BCR: variants seen among roughly 807,000 people sequenced by gnomAD.
BCR encodes BCR activator of RhoGEF and GTPase.
In BCR, 58 loss-of-function variants were observed where a neutral mutation model predicts 138.6. The ratio of observed to expected loss-of-function variants is 0.42; its 90% CI spans 0.34 to 0.52. BCR has a LOEUF of 0.52. Ranked by LOEUF, BCR falls within the 20% of genes least tolerant of loss-of-function variation. The pLI, the probability that BCR is intolerant of heterozygous loss-of-function variation, is 0.06. For missense variants in BCR, 1,599 were observed against 1,727.2 expected, an observed-to-expected ratio of 0.93 and a Z score of 1.32; for synonymous variants, 786 against 730.1, an observed-to-expected ratio of 1.08 and a Z score of -1.23.
chr22:23,300,716 A>C (rs2073893816), intron 16 of BCR, among the ~76,000 whole-genome samples: 1 of 152,182 alleles, frequency 6.6e-6, no homozygotes, highest in African/African-American at 2.4e-5. Context: ...GCTGGCTTGT[A>C]CCTGGTCAGG....
intron 1 of BCR, among the ~76,000 whole-genome samples, chr22:23,213,331 G>A (rs2072709269): frequency 1.3e-5 from 2 of 152,216 alleles, no homozygotes; most frequent in Non-Finnish European, 2.9e-5. Context: ...TGGGGGCCCT[G>A]AGTGAGCCTC....
intron 1 of BCR, among the ~76,000 whole-genome samples, chr22:23,235,158 G>A (rs147080500): frequency 0.01 from 1,469 of 144,244 alleles, 94 homozygotes; most frequent in African/African-American, 0.034. Flanking sequence ...AGGCTGGAGT[G>A]CAGTGGTACG....
intron 1 of BCR, among the ~76,000 whole-genome samples, chr22:23,227,090 G>A (rs1044312161): frequency 7.9e-5 from 12 of 152,184 alleles, no homozygotes; most frequent in African/African-American, 2.9e-4. Flanking sequence ...CAAAAACCAT[G>A]CAAATATGGA....
chr22:23,297,206 TG>T (rs1301624131), intron 16 of BCR, among the ~76,000 whole-genome samples: 4,053 of 136,750 alleles, frequency 0.03, 256 homozygotes, highest in African/African-American at 0.085. Flanking sequence ...CTGGCTAAGT[TG>T]TTTTTTGTTT....
intron 5 of BCR, among the ~76,000 whole-genome samples, chr22:23,270,332 G>A (rs2073495372): frequency 6.6e-6 from 1 of 152,152 alleles, no homozygotes; most frequent in Admixed American, 6.5e-5. Flanking sequence ...AAAGGGCTTT[G>A]GGAGTCAGGC....
At chr22:23,289,200 T>C (rs2073754445) in intron 12 of BCR, among the ~76,000 whole-genome samples, 1 of 152,228 alleles carries the variant, frequency 6.6e-6, no homozygotes, top group African/African-American at 2.4e-5. Context: ...TGGGGAGACC[T>C]CACAGGGAGG....
At chr22:23,293,094 G>A (rs894264069) in intron 15 of BCR, among the ~76,000 whole-genome samples, 2 of 151,998 alleles carry the variant, frequency 1.3e-5, no homozygotes, top group African/African-American at 4.8e-5. Context: ...GTGTGTCGCC[G>A]TGCCTTCCTC....
At chr22:23,246,195 C>A (rs529823530) in intron 1 of BCR, among the ~76,000 whole-genome samples, 35 of 152,142 alleles carry the variant, frequency 2.3e-4, no homozygotes, top group African/African-American at 8.4e-4. Flanking sequence ...GAGGCCTAGG[C>A]GAGAGGACCA....
At chr22:23,229,210 C>T (rs1299288512) in intron 1 of BCR, among the ~76,000 whole-genome samples, 5 of 151,902 alleles carry the variant, frequency 3.3e-5, no homozygotes, top group Non-Finnish European at 7.4e-5. Context: ...TTTTTTATAG[C>T]TTCTATTTTT....
chr22:23,196,505 T>C (rs2072483949), intron 1 of BCR, among the ~76,000 whole-genome samples: 1 of 152,104 alleles, frequency 6.6e-6, no homozygotes, highest in African/African-American at 2.4e-5. Context: ...CTTGAAGCAT[T>C]CAGTATAGTC....
chr22:23,281,745 G>A (rs191817263), intron 8 of BCR, among the ~76,000 whole-genome samples: 1,658 of 152,288 alleles, frequency 0.011, 75 homozygotes, highest in Admixed American at 0.088. Flanking sequence ...TCCACTGTTC[G>A]AGCCTCCCGG....
intron 1 of BCR, chr22:23,216,958 T>G: frequency 7.3e-6 from 3 of 409,896 alleles, no homozygotes; most frequent in South Asian, 5.2e-5. Context: ...GTACAGTGTG[T>G]CGCAAGTCTT....
intron 1 of BCR, among the ~76,000 whole-genome samples, chr22:23,184,463 CTTTTT>C (rs929974530): frequency 6.6e-6 from 1 of 152,048 alleles, no homozygotes; most frequent in African/African-American, 2.4e-5. Context: ...GACAGTTTTT[CTTTTT>C]TAAGACTTAA....
intron 10 of BCR, among the ~76,000 whole-genome samples, chr22:23,286,057 T>C (rs751305854): frequency 1.3e-5 from 2 of 152,192 alleles, no homozygotes; most frequent in African/African-American, 2.4e-5. Context: ...GGTGAAGTAC[T>C]GAGTCACCAG....
intron 8 of BCR, among the ~76,000 whole-genome samples, chr22:23,279,795 A>C (rs909199005): frequency 6.6e-6 from 1 of 152,170 alleles, no homozygotes; most frequent in Non-Finnish European, 1.5e-5. Context: ...TGATTCCTGG[A>C]GCATGTCGTA....
At chr22:23,273,835 C>T in intron 8 of BCR, 61 bp downstream of exon 8, 43 of 1,600,618 alleles carry the variant, frequency 2.7e-5, no homozygotes, top group Non-Finnish European at 3.5e-5. Flanking sequence ...GCATGCAGGG[C>T]CCCTCGATCT....
At chr22:23,202,972 C>G (rs981924177) in intron 1 of BCR, among the ~76,000 whole-genome samples, 9 of 152,128 alleles carry the variant, frequency 5.9e-5, no homozygotes, top group Non-Finnish European at 1.2e-4. Context: ...ATCCTCCCAC[C>G]TCAGCCTCCT....
chr22:23,238,395 ATC>A (rs2073049547), intron 1 of BCR, among the ~76,000 whole-genome samples: 1 of 152,048 alleles, frequency 6.6e-6, no homozygotes, highest in Non-Finnish European at 1.5e-5. Context: ...GGCTTTTGAC[ATC>A]TGCCCACACC....
chr22:23,268,163 A>G (rs766816119), intron 4 of BCR, among the ~76,000 whole-genome samples: 5 of 152,158 alleles, frequency 3.3e-5, no homozygotes, highest in Non-Finnish European at 7.4e-5. Context: ...TCTGGAAGGG[A>G]ACTGTTACCT....
Sources: gnomAD v4.1 joint callset for allele counts (sites outside exome capture counted in the v4.1 genomes callset) on GRCh38, gnomAD v4.1.1 for gene constraint, MANE v1.5 for transcripts, NCBI Gene and HGNC (gene_info 2026-07-23, HGNC 2026-07-21) for gene names.